Variants in ATG4B observed in about 807,000 individuals in gnomAD.
ATG4B encodes the protein autophagy related 4B cysteine peptidase.
In ATG4B, 29 loss-of-function variants were observed where a neutral mutation model predicts 56.6. The observed-to-expected ratio is 0.51, with a 90% CI of 0.38 to 0.70. The LOEUF (loss-of-function observed/expected upper bound fraction) is 0.70, where lower values mean the gene tolerates loss of function less well. ATG4B is among the 30% of genes least tolerant of loss of function. The probability of loss-of-function intolerance (pLI) is 0.00; values close to 1 mark genes in which losing one functional copy is unlikely to be tolerated. For missense variants in ATG4B, 461 were observed against 515.5 expected (o/e 0.89, Z 1.02); for synonymous variants, 224 against 206.1 (o/e 1.09, Z -0.74).
intron 10 of ATG4B, among the ~76,000 whole-genome samples, chr2:241,669,844 C>G (rs1208636704): frequency 1.3e-5 from 2 of 152,200 alleles, no homozygotes; most frequent in Non-Finnish European, 2.9e-5. Flanking sequence ...TCACGAATTC[C>G]TCGTCGAACT....
At chr2:241,643,509 A>G (rs771294878) in intron 1 of ATG4B, among the ~76,000 whole-genome samples, 8 of 149,622 alleles carry the variant, frequency 5.3e-5, no homozygotes, top group Admixed American at 4.0e-4. Context: ...ACCTGGCCTT[A>G]CATGTCATCT....
chr2:241,644,139 G>A (rs935672068), intron 1 of ATG4B, among the ~76,000 whole-genome samples: 2 of 151,950 alleles, frequency 1.3e-5, no homozygotes, highest in Non-Finnish European at 2.9e-5. Context: ...TGGAGCCCAG[G>A]AGTTTGAGAC....
At chr2:241,669,302 A>T (rs1036023624) in intron 10 of ATG4B, among the ~76,000 whole-genome samples, 2 of 152,192 alleles carry the variant, frequency 1.3e-5, no homozygotes, top group Non-Finnish European at 2.9e-5. Flanking sequence ...TGACGGTGAC[A>T]TGCTCAGGGA....
intron 4 of ATG4B, 132 bp from the exon 5 acceptor site, chr2:241,654,414 C>G: frequency 1.6e-6 from 1 of 611,656 alleles, no homozygotes; most frequent in Admixed American, 3.7e-5. Flanking sequence ...GAGCGAGACT[C>G]TGTTTAAAAA....
chr2:241,644,209 G>A (rs1302489619), intron 1 of ATG4B, among the ~76,000 whole-genome samples: 6 of 152,066 alleles, frequency 3.9e-5, no homozygotes, highest in African/African-American at 1.2e-4. Flanking sequence ...TAGGCATGAC[G>A]GTGCATGCCT....
At chr2:241,648,954 A>G (rs867209727) in intron 1 of ATG4B, among the ~76,000 whole-genome samples, 14 of 152,354 alleles carry the variant, frequency 9.2e-5, no homozygotes, top group African/African-American at 3.4e-4. Context: ...GATGTTAATG[A>G]CAGAGCGGAC....
intron 5 of ATG4B, 62 bp downstream of exon 5, chr2:241,654,709 G>A: frequency 7.3e-7 from 1 of 1,370,898 alleles, no homozygotes; most frequent in African/African-American, 1.4e-5. Flanking sequence ...GGAGTGGTCG[G>A]TTTCCCCTCA....
chr2:241,648,697 C>G (rs998620723), intron 1 of ATG4B, among the ~76,000 whole-genome samples: 5 of 152,114 alleles, frequency 3.3e-5, no homozygotes, highest in Admixed American at 1.3e-4. Flanking sequence ...CGCCCGTCAT[C>G]TTGCTCAGGA....
In ATG4B at chr2:241,668,425, C is replaced by T; in HGVS notation, c.812-115C>T. 1 of 1,472,380 alleles carries T rather than the reference C, an allele frequency of 6.8e-7. No individual in the cohort carries two copies. Among genetic ancestry groups the T allele is most frequent in the Non-Finnish European group, 9.2e-7 (1 of 1,084,586 alleles). The allele number at this position is 1,472,380 out of a possible 1,614,324, so 91.2% of individuals were successfully genotyped here. ...GGTGCCCTCGGCTCCCTCCCCACCT[C>T]CTGCCCACTGCTTCTCAGTGTGATG... On this transcript the variant is annotated intron_variant, in intron 9 of 12. Coordinates refer to ENST00000404914, the MANE Select transcript of ATG4B (RefSeq NM_013325.5). This position sits in a 1 kb window ranked among gnomAD's most constrained non-coding sequence, Gnocchi z 4.2.
In ATG4B at chr2:241,655,046, G is replaced by C; in HGVS notation, c.386-225G>C. 3 of 594,066 alleles carry C rather than the reference G, an allele frequency of 5.0e-6. No homozygotes were observed. In the South Asian group the frequency reaches 6.1e-5, roughly 12 times the overall value. The allele number at this position is 594,066 out of a possible 1,614,324, so 36.8% of individuals were successfully genotyped here. ...GTGTTTTCACTTATAGAAGGAAGTG[G>C]TCCCTTCATTTCCCCTCCTTTTCTA... On this transcript the variant is annotated intron_variant, in intron 5 of 12. Transcript: ENST00000404914.
chr2:241,647,235 T>G (rs1429182951), intron 1 of ATG4B, among the ~76,000 whole-genome samples: 8 of 152,200 alleles, frequency 5.3e-5, no homozygotes, highest in Admixed American at 4.6e-4. Context: ...ATGTGTATCT[T>G]TAGTTCAAAG....
chr2:241,654,086 C>T (rs1245154278), intron 4 of ATG4B, among the ~76,000 whole-genome samples: 4 of 151,216 alleles, frequency 2.6e-5, no homozygotes, highest in East Asian at 3.9e-4. Flanking sequence ...GATAACTTGG[C>T]GTATATGTAT....
intron 4 of ATG4B, among the ~76,000 whole-genome samples, chr2:241,654,313 C>G (rs1390567985): frequency 6.7e-6 from 1 of 149,692 alleles, no homozygotes. Flanking sequence ...CCCAGCTACT[C>G]GGGAGGCTGA....
rs759614064 is a variant in ATG4B at position 241,668,133 on chromosome 2, C to T, written c.733-10C>T. The T allele has an allele frequency of 4.4e-6, 7 of 1,588,136 alleles. No homozygotes were observed. Among genetic ancestry groups the T allele is most frequent in the Middle Eastern group, 1.7e-4 (1 of 6,044 alleles). On this transcript the variant is annotated splice_polypyrimidine_tract_variant and intron_variant, in intron 8 of 12. Coordinates refer to ENST00000404914, the MANE Select transcript of ATG4B (RefSeq NM_013325.5). This position sits in a 1 kb window ranked among gnomAD's most constrained non-coding sequence, Gnocchi z 4.2. ...CTGGGACCTGTGCTCAGTCCCCCGC[C>T]CCTCCACAGCACTGCTTCATGATGC... is the stretch of plus-strand genomic sequence containing the variant.
chr2:241,658,150 GC>G (rs2068468998), intron 6 of ATG4B, among the ~76,000 whole-genome samples: 1 of 152,234 alleles, frequency 6.6e-6, no homozygotes, highest in African/African-American at 2.4e-5. Flanking sequence ...GGTCAGCTTT[GC>G]CAGTGCTGCT....
chr2:241,648,018 G>A (rs2068115282), intron 1 of ATG4B, among the ~76,000 whole-genome samples: 1 of 152,112 alleles, frequency 6.6e-6, no homozygotes, highest in African/African-American at 2.4e-5. Context: ...GGAGGATGAG[G>A]CAGGAGAATT....
chr2:241,640,155 G>GT (rs927520559), intron 1 of ATG4B, among the ~76,000 whole-genome samples: 18 of 152,340 alleles, frequency 1.2e-4, no homozygotes, highest in Non-Finnish European at 1.9e-4. Flanking sequence ...GAACAGTTAT[G>GT]TTGTTACATG....
chr2:241,670,081 C>T (rs895638688), intron 10 of ATG4B, among the ~76,000 whole-genome samples: 6 of 152,214 alleles, frequency 3.9e-5, no homozygotes, highest in Admixed American at 2.0e-4. Flanking sequence ...AGCGCCGAGG[C>T]GGCAGAATGG....
intron 12 of ATG4B, 161 bp downstream of exon 12, chr2:241,671,566 G>A (rs973856767): frequency 1.5e-5 from 23 of 1,527,296 alleles, no homozygotes; most frequent in African/African-American, 9.6e-5. Context: ...GGAGTGGAGC[G>A]TCCCCTCCTC....
Sources: gnomAD v4.1 joint callset for allele counts (sites outside exome capture counted in the v4.1 genomes callset) on GRCh38, gnomAD v4.1.1 for gene constraint, Gnocchi (gnomAD v3.1) non-coding constraint, MANE v1.5 for transcripts, NCBI Gene and HGNC (gene_info 2026-07-23, HGNC 2026-07-21) for gene names.